The following LYN variants were observed in gnomAD, a reference collection of about 807,000 sequenced individuals.
The protein encoded by LYN is LYN proto-oncogene, Src family tyrosine kinase, also known as tyrosine-protein kinase Lyn.
LYN carries 12 observed loss-of-function variants against 65.0 expected under a neutral mutation model. The ratio of observed to expected loss-of-function variants is 0.18; its 90% confidence interval spans 0.12 to 0.30. The LOEUF (loss-of-function observed/expected upper bound fraction) is 0.30, where lower values mean the gene tolerates loss of function less well. LYN is among the 10% of genes least tolerant of loss of function. LYN has a pLI of 1.00. For synonymous variants in LYN, 222 were observed against 221.2 expected (o/e 1.00, Z -0.03); for missense variants, 380 against 623.2 (o/e 0.61, Z 4.16).
intron 1 of LYN, among the ~76,000 whole-genome samples, chr8:55,900,383 T>C (rs1261519704): frequency 1.3e-5 from 2 of 152,062 alleles, no homozygotes; most frequent in Non-Finnish European, 2.9e-5. Context: ...TATTTTTAAT[T>C]TTTTTTAGGG....
At chr8:55,895,121 A>G (rs1805058369) in intron 1 of LYN, among the ~76,000 whole-genome samples, 1 of 152,088 alleles carries the variant, frequency 6.6e-6, no homozygotes, top group Non-Finnish European at 1.5e-5. Context: ...GCCAGCCCCA[A>G]AACCTCCAGT....
At chr8:55,929,498 A>G (rs1023320939) in intron 1 of LYN, among the ~76,000 whole-genome samples, 3 of 152,246 alleles carry the variant, frequency 2.0e-5, no homozygotes, top group African/African-American at 7.2e-5. Context: ...TAAACTTAAC[A>G]TTCATGAATG....
intron 1 of LYN, among the ~76,000 whole-genome samples, chr8:55,936,141 C>T (rs1023293424): frequency 6.6e-6 from 1 of 151,812 alleles, no homozygotes; most frequent in Non-Finnish European, 1.5e-5. Context: ...CTTTTAGGGA[C>T]GAATTCCTAT....
chr8:55,908,587 TTTTC>T (rs1346185120), intron 1 of LYN, among the ~76,000 whole-genome samples: 10 of 152,212 alleles, frequency 6.6e-5, no homozygotes, highest in Middle Eastern at 3.4e-3. Flanking sequence ...TTAGATATAA[TTTTC>T]TTTCTTTTTT....
chr8:55,899,647 T>A (rs1040710576), intron 1 of LYN, among the ~76,000 whole-genome samples: 7 of 151,810 alleles, frequency 4.6e-5, no homozygotes, highest in Non-Finnish European at 8.8e-5. Context: ...TTCTTTTCTT[T>A]TCTTTTTTCT....
intron 8 of LYN, among the ~76,000 whole-genome samples, chr8:55,965,728 G>T (rs1325608380): frequency 6.6e-6 from 1 of 152,098 alleles, no homozygotes; most frequent in Admixed American, 6.5e-5. Context: ...GTGAGTGTAT[G>T]CCTGTGTGTG....
intron 10 of LYN, among the ~76,000 whole-genome samples, chr8:55,997,823 G>A (rs1196291204): frequency 2.0e-5 from 3 of 152,318 alleles, no homozygotes; most frequent in East Asian, 3.9e-4. Context: ...GGTGGCTCAC[G>A]CCTGTAATCC....
At chr8:56,006,027 G>A (rs1808664026) in intron 12 of LYN, among the ~76,000 whole-genome samples, 1 of 152,130 alleles carries the variant, frequency 6.6e-6, no homozygotes, top group Non-Finnish European at 1.5e-5. Context: ...TGAGGCTGCA[G>A]TGAGCCATGA....
rs772534446 is a variant in LYN at position 55,947,754 on chromosome 8, C to G, written c.284+31C>G. 5.4e-6 allele frequency: 8 copies of G among 1,474,252 alleles called. No individual in the cohort carries two copies. The South Asian group carries it at 9.1e-5, about 17-fold the overall frequency. The allele number at this position is 1,474,252 out of a possible 1,614,324, so 91.3% of individuals were successfully genotyped here. ...TGCTCTCAAGCACGCCACGGCTGCT[C>G]GTTTCCTCAGGCCACTGAGTCCTGC... On this transcript the variant is annotated intron_variant, in intron 4 of 12. Transcript: ENST00000519728.
intron 7 of LYN, among the ~76,000 whole-genome samples, chr8:55,953,416 G>A (rs1038461697): frequency 1.3e-5 from 2 of 152,146 alleles, no homozygotes; most frequent in African/African-American, 2.4e-5. Context: ...GGAGGCCGAG[G>A]CGGGTGGATC....
intron 12 of LYN, among the ~76,000 whole-genome samples, chr8:56,006,099 G>T (rs961980082): frequency 3.3e-5 from 5 of 152,010 alleles, no homozygotes; most frequent in African/African-American, 1.2e-4. Context: ...AAAGGTGGGG[G>T]TGTCTTGTTG....
chr8:55,922,795 T>C (rs1585601853), intron 1 of LYN, among the ~76,000 whole-genome samples: 1 of 151,106 alleles, frequency 6.6e-6, no homozygotes, highest in Non-Finnish European at 1.5e-5. Flanking sequence ...GAATATGAAG[T>C]AACATGAAAA....
At chr8:55,883,892 A>T (rs1804715904) in intron 1 of LYN, among the ~76,000 whole-genome samples, 1 of 152,116 alleles carries the variant, frequency 6.6e-6, no homozygotes, top group African/African-American at 2.4e-5. Flanking sequence ...ATACTGAAAG[A>T]TTTCTTACAG....
At chr8:55,979,733 C>T (rs913758225) in intron 10 of LYN, among the ~76,000 whole-genome samples, 1 of 152,176 alleles carries the variant, frequency 6.6e-6, no homozygotes, top group Non-Finnish European at 1.5e-5. Flanking sequence ...CCTGATTCAG[C>T]GTCACCCCAG....
At chr8:55,999,597 A>T (rs1808461501) in intron 12 of LYN, 48 bp downstream of exon 12, 1 of 1,586,490 alleles carries the variant, frequency 6.3e-7, no homozygotes, top group Non-Finnish European at 8.6e-7. Flanking sequence ...AATGAGAAAA[A>T]GTCAGGTTGC....
intron 1 of LYN, among the ~76,000 whole-genome samples, chr8:55,885,048 T>C (rs1230072210): frequency 6.6e-6 from 1 of 152,204 alleles, no homozygotes; most frequent in African/African-American, 2.4e-5. Context: ...GTACCCCTTC[T>C]TCTGCTCTCC....
intron 2 of LYN, among the ~76,000 whole-genome samples, chr8:55,943,689 C>T (rs746923187): frequency 6.6e-5 from 10 of 152,126 alleles, no homozygotes; most frequent in Non-Finnish European, 1.5e-5. Flanking sequence ...CCTGCCCTCC[C>T]CTCAATATGT....
intron 1 of LYN, among the ~76,000 whole-genome samples, chr8:55,912,779 G>C (rs1386057651): frequency 6.6e-6 from 1 of 150,732 alleles, no homozygotes; most frequent in African/African-American, 2.4e-5. Flanking sequence ...TCATTATAAG[G>C]AAAAAAGAAA....
chr8:55,897,508 T>C lies in LYN; in HGVS notation c.-6+17405T>C, dbSNP rs577023913. Among the ~76,000 whole-genome samples the C allele has an allele frequency of 2.6e-5, 4 of 152,314 alleles. No homozygotes were observed. In the South Asian group the frequency reaches 8.3e-4, roughly 32 times the overall value. ...TCTTACTGTTCAAATTTGCCTTTTC[T>C]ACCTCAATTTCTCCTCCATTTTAAC... On this transcript the variant is annotated intron_variant, in intron 1 of 12. Coordinates refer to ENST00000519728, the MANE Select transcript of LYN (RefSeq NM_002350.4).
Sources: gnomAD v4.1 joint callset for allele counts (sites outside exome capture counted in the v4.1 genomes callset) on GRCh38, gnomAD v4.1.1 for gene constraint, MANE v1.5 for transcripts, NCBI Gene and HGNC (gene_info 2026-07-23, HGNC 2026-07-21) for gene names.